Variants in FSTL4 observed in about 807,000 individuals in gnomAD.
FSTL4 encodes the protein follistatin like 4.
FSTL4 carries 28 observed loss-of-function variants against 78.2 expected under a neutral mutation model. The observed-to-expected ratio is 0.36, with a 90% CI of 0.27 to 0.49. The LOEUF (loss-of-function observed/expected upper bound fraction) is 0.49. FSTL4 is among the 20% of genes least tolerant of loss of function. The pLI is 0.98. For missense variants in FSTL4, 922 were observed against 1,084.9 expected, an observed-to-expected ratio of 0.85 and a Z score of 2.11; for synonymous variants, 422 against 440.5, an observed-to-expected ratio of 0.96 and a Z score of 0.53.
chr5:133,648,605 T>C, the FSTL4 span, among the ~76,000 whole-genome samples: 1 of 152,192 alleles, frequency 6.6e-6, no homozygotes, highest in Non-Finnish European at 1.5e-5. Context: ...TCCAGAGTCA[T>C]GGGATGCTTA....
intron 3 of FSTL4, among the ~76,000 whole-genome samples, chr5:133,492,490 T>C (rs1199206239): frequency 6.6e-6 from 1 of 152,222 alleles, no homozygotes; most frequent in Non-Finnish European, 1.5e-5. Flanking sequence ...AACAGAATTC[T>C]AAGTTGACTA....
intron 7 of FSTL4, among the ~76,000 whole-genome samples, chr5:133,241,982 CTG>C (rs144260789): frequency 0.019 from 2,842 of 152,324 alleles, 77 homozygotes; most frequent in African/African-American, 0.065. Context: ...CCTCCTGACA[CTG>C]TGTTCAAAAC....
the FSTL4 span, among the ~76,000 whole-genome samples, chr5:133,766,242 AAGAGGAAGG>A: frequency 6.6e-6 from 1 of 152,178 alleles, no homozygotes; most frequent in African/African-American, 2.4e-5. Flanking sequence ...TAAAACAGAA[AAGAGGAAGG>A]AGAGGAAGAA....
At chr5:133,446,794 G>C (rs1480691809) in intron 3 of FSTL4, among the ~76,000 whole-genome samples, 1 of 152,198 alleles carries the variant, frequency 6.6e-6, no homozygotes, top group African/African-American at 2.4e-5. Context: ...GGTGGATCCA[G>C]GTTCCAGGCC....
At chr5:133,335,104 A>G (rs1754434312) in intron 4 of FSTL4, among the ~76,000 whole-genome samples, 1 of 152,178 alleles carries the variant, frequency 6.6e-6, no homozygotes, top group Admixed American at 6.5e-5. Context: ...CTGACACGGC[A>G]CCACCTCCTC....
At chr5:133,284,732 C>T (rs1252666696) in intron 6 of FSTL4, among the ~76,000 whole-genome samples, 1 of 152,216 alleles carries the variant, frequency 6.6e-6, no homozygotes, top group Admixed American at 6.5e-5. Context: ...TCTTGGCATT[C>T]TCTACTTTGA....
At chr5:133,421,430 G>A (rs865803352) in intron 3 of FSTL4, among the ~76,000 whole-genome samples, 2 of 152,228 alleles carry the variant, frequency 1.3e-5, no homozygotes, top group Admixed American at 6.5e-5. Flanking sequence ...AGCCACTGTC[G>A]GGGGACTCCC....
At chr5:133,482,614 A>G (rs1265012299) in intron 3 of FSTL4, among the ~76,000 whole-genome samples, 1 of 152,210 alleles carries the variant, frequency 6.6e-6, no homozygotes, top group Non-Finnish European at 1.5e-5. Context: ...CACAGCAGAA[A>G]CAGACGCCAG....
the FSTL4 span, among the ~76,000 whole-genome samples, chr5:133,739,708 T>C: frequency 6.6e-6 from 1 of 152,228 alleles, no homozygotes; most frequent in Non-Finnish European, 1.5e-5. Flanking sequence ...CTAAACACGT[T>C]GCATACACAA....
In FSTL4 at chr5:133,424,456, A is replaced by G. The variant is rs192286061; in HGVS notation, c.161-23470T>C. On this transcript the variant is annotated intron_variant, in intron 3 of 15. Transcript: ENST00000265342. Reference sequence around the variant, plus strand: ...TATTTGTATTCAATACCTTAGAGACAGGAAATGACATGTTTTGTGAGCTTT... The same window carrying G: ...TATTTGTATTCAATACCTTAGAGACGGGAAATGACATGTTTTGTGAGCTTT... 1.3e-4 allele frequency among the ~76,000 whole-genome samples: 20 copies of G among 152,354 alleles called. No homozygotes were observed. The East Asian group carries it at 3.9e-3, about 29-fold the overall frequency.
chr5:133,531,677 G>A (rs1759256987), intron 3 of FSTL4, among the ~76,000 whole-genome samples: 1 of 152,226 alleles, frequency 6.6e-6, no homozygotes, highest in Non-Finnish European at 1.5e-5. Context: ...AAAGTAGAAA[G>A]GGAAAGATGA....
the FSTL4 span, among the ~76,000 whole-genome samples, chr5:133,763,036 G>T: frequency 6.6e-6 from 1 of 152,120 alleles, no homozygotes; most frequent in Non-Finnish European, 1.5e-5. Context: ...CTTGGAAATG[G>T]CTTTGGGTCC....
In FSTL4 at chr5:133,583,185, C is replaced by G. The variant is rs1580804604; in HGVS notation, c.127-15966G>C. 8.9e-6 allele frequency: 4 copies of G among 449,354 alleles called. No homozygotes were observed. In the East Asian group the frequency reaches 2.8e-4, roughly 32 times the overall value. 27.8% of individuals were successfully genotyped at this position (449,354 alleles called of 1,614,324 possible). On this transcript the variant is annotated intron_variant, in intron 2 of 15. Coordinates refer to ENST00000265342, the MANE Select transcript of FSTL4 (RefSeq NM_015082.2). ...CACCAGCACATTCCCACTGGGTTTC[C>G]TGACCCTCCAAAAGCCCTTCACAGT...
At chr5:133,354,305 A>G (rs1754896189) in intron 4 of FSTL4, among the ~76,000 whole-genome samples, 1 of 152,336 alleles carries the variant, frequency 6.6e-6, no homozygotes, top group East Asian at 1.9e-4. Context: ...TGGCCCTGCG[A>G]CAGAGGAGCG....
chr5:133,211,110 C>A (rs192467461), intron 13 of FSTL4: 2 of 152,346 alleles, frequency 1.3e-5, no homozygotes, highest in African/African-American at 2.4e-5. Context: ...CTTTGACTGG[C>A]GCCTCTGGGT....
At chr5:133,356,213 T>C (rs972903641) in intron 4 of FSTL4, among the ~76,000 whole-genome samples, 58 of 152,352 alleles carry the variant, frequency 3.8e-4, no homozygotes, top group African/African-American at 1.4e-3. Context: ...CACAAACACA[T>C]ACTGTGTGCC....
In FSTL4 at chr5:133,529,291, C is replaced by T. The variant is rs745858579; in HGVS notation, c.160+37895G>A. Among the ~76,000 whole-genome samples, 6 of 152,164 alleles carry T rather than the reference C, an allele frequency of 3.9e-5. 1 individual carries two copies. The highest frequency in any genetic ancestry group is 4.1e-4 in the South Asian group (2 of 4,826). ...AAAATATTAACAACAAATGCCAGCACCAGAATCCATGTTTTAATTAAGAAT... is the reference window on the plus strand; with the variant it reads ...AAAATATTAACAACAAATGCCAGCATCAGAATCCATGTTTTAATTAAGAAT... On this transcript the variant is annotated intron_variant, in intron 3 of 15. Transcript: ENST00000265342.
the FSTL4 span, among the ~76,000 whole-genome samples, chr5:133,713,575 A>G: frequency 1.3e-5 from 2 of 152,210 alleles, no homozygotes; most frequent in Admixed American, 6.5e-5. Flanking sequence ...CATGAGGTCA[A>G]GCTAGCTACC....
the FSTL4 span, among the ~76,000 whole-genome samples, chr5:133,625,081 GT>G: frequency 2.6e-5 from 4 of 151,070 alleles, no homozygotes; most frequent in African/African-American, 9.7e-5. Context: ...GGTCTTTAAT[GT>G]TTTTTTTGTA....
Sources: gnomAD v4.1 joint callset for allele counts (sites outside exome capture counted in the v4.1 genomes callset) on GRCh38, gnomAD v4.1.1 for gene constraint, MANE v1.5 for transcripts, NCBI Gene and HGNC (gene_info 2026-07-23, HGNC 2026-07-21) for gene names.